Variants in PTPRN2 observed in about 807,000 individuals in gnomAD.
PTPRN2 encodes the protein receptor-type tyrosine-protein phosphatase N2.
In PTPRN2, 74 loss-of-function variants were observed where a neutral mutation model predicts 118.8. The observed-to-expected ratio is 0.62, with a 90% CI of 0.52 to 0.76. The LOEUF (loss-of-function observed/expected upper bound fraction) is 0.76. PTPRN2 is among the 30% of genes least tolerant of loss of function. PTPRN2 has a pLI of 0.00. For synonymous variants in PTPRN2, 641 were observed against 608.0 expected, an observed-to-expected ratio of 1.05 and a Z score of -0.80; for missense variants, 1,481 against 1,394.4, an observed-to-expected ratio of 1.06 and a Z score of -0.99.
At chr7:158,521,452 G>T (rs1823992429) in intron 1 of PTPRN2, among the ~76,000 whole-genome samples, 2 of 152,246 alleles carry the variant, frequency 1.3e-5, no homozygotes, top group African/African-American at 4.8e-5. Flanking sequence ...TTAGTAATCA[G>T]CAAGATGCTG....
chr7:157,589,621 G>C (rs962646967), intron 17 of PTPRN2, among the ~76,000 whole-genome samples: 1 of 152,146 alleles, frequency 6.6e-6, no homozygotes, highest in Non-Finnish European at 1.5e-5. Context: ...GGGTGTCAAC[G>C]GATGGGTATG....
chr7:158,322,811 C>T, intron 2 of PTPRN2, among the ~76,000 whole-genome samples: 1 of 152,374 alleles, frequency 6.6e-6, no homozygotes, highest in African/African-American at 2.4e-5. Context: ...GCAGGGCAGG[C>T]TCTTGAATGG....
At chr7:157,727,825 G>C (rs1212372302) in intron 12 of PTPRN2, among the ~76,000 whole-genome samples, 1 of 152,204 alleles carries the variant, frequency 6.6e-6, no homozygotes, top group Non-Finnish European at 1.5e-5. Context: ...TCTGCTGCTG[G>C]CCCTGCCTGA....
rs556252891 is a variant in PTPRN2, at chr7:157,788,736, C to A, written c.1789-105799G>T. Among the ~76,000 whole-genome samples, 6 of 152,264 alleles carry A rather than the reference C, an allele frequency of 3.9e-5. No individual in the cohort carries two copies. The South Asian group carries it at 1.2e-3, about 32-fold the overall frequency. The stretch of plus-strand genomic sequence containing the variant: ...ATGCAGGAGGCCTCCGGGGCCACCC[C>A]ACTGCCACGCGGGAGGCCTCGGGGG... On this transcript the variant is annotated intron_variant, in intron 12 of 22. Coordinates refer to ENST00000389418, the MANE Select transcript of PTPRN2 (RefSeq NM_002847.5).
chr7:157,901,437 C>T (rs1797434003), intron 11 of PTPRN2, among the ~76,000 whole-genome samples: 1 of 152,162 alleles, frequency 6.6e-6, no homozygotes, highest in South Asian at 2.1e-4. Flanking sequence ...GAGTTCCCAC[C>T]ATGCAGACGT....
At chr7:157,574,233 T>A in intron 19 of PTPRN2, 3 of 359,372 alleles carry the variant, frequency 8.3e-6, no homozygotes, top group South Asian at 7.7e-5. Flanking sequence ...AACCCAGGGG[T>A]CACCGGGCGA....
intron 11 of PTPRN2, among the ~76,000 whole-genome samples, chr7:157,993,171 T>TGGGC: frequency 6.6e-6 from 1 of 152,338 alleles, no homozygotes; most frequent in East Asian, 1.9e-4. Context: ...CAACATATTA[T>TGGGC]GGGCGGCTCA....
chr7:158,274,357 CAG>C (rs1491342570), intron 3 of PTPRN2, among the ~76,000 whole-genome samples: 11 of 55,644 alleles, frequency 2.0e-4, no homozygotes, highest in East Asian at 6.3e-4. Flanking sequence ...GCCACAGACA[CAG>C]GGGGAGCCGC....
intron 11 of PTPRN2, among the ~76,000 whole-genome samples, chr7:157,918,387 A>G (rs200107923): frequency 1.3e-5 from 2 of 152,386 alleles, no homozygotes; most frequent in Non-Finnish European, 1.5e-5. Flanking sequence ...CCACATGGCA[A>G]CAGGTAAACC....
intron 1 of PTPRN2, among the ~76,000 whole-genome samples, chr7:158,550,787 T>C (rs891327682): frequency 3.3e-5 from 5 of 152,232 alleles, no homozygotes; most frequent in African/African-American, 1.2e-4. Flanking sequence ...AATTACCTCG[T>C]CTTTAAGTGC....
intron 12 of PTPRN2, among the ~76,000 whole-genome samples, chr7:157,746,057 T>C (rs1193876784): frequency 1.4e-5 from 2 of 140,620 alleles, no homozygotes; most frequent in Non-Finnish European, 3.1e-5. Flanking sequence ...AGTGTGGAGA[T>C]CACAGGACTC....
chr7:157,800,935 G>C (rs1805240230), intron 12 of PTPRN2, among the ~76,000 whole-genome samples: 2 of 151,510 alleles, frequency 1.3e-5, no homozygotes, highest in East Asian at 3.9e-4. Context: ...CTGGGCAACA[G>C]AGAGAGACTC....
chr7:157,791,372 CAT>C (rs1804479113), intron 12 of PTPRN2, among the ~76,000 whole-genome samples: 1 of 152,260 alleles, frequency 6.6e-6, no homozygotes, highest in African/African-American at 2.4e-5. Flanking sequence ...CCCGCGTCCA[CAT>C]ATTCTCGTGC....
chr7:157,769,207 C>G (rs879441644), intron 12 of PTPRN2, among the ~76,000 whole-genome samples: 1 of 152,106 alleles, frequency 6.6e-6, no homozygotes, highest in East Asian at 1.9e-4. Context: ...ACGCTTTGCC[C>G]GTGCCAAGCA....
chr7:157,619,010 C>T lies in PTPRN2; in HGVS notation c.2344+2352G>A, dbSNP rs1802981223. Among the ~76,000 whole-genome samples, 1 of 152,128 alleles carries T rather than the reference C, an allele frequency of 6.6e-6. No individual in the cohort carries two copies. The highest frequency in any genetic ancestry group is 6.6e-5 in the Admixed American group (1 of 15,266). ...AGGGCTGTCCTGATCCCCATGAGAA[C>T]ATCAGGCGCCCATCCACATGTGGCC... is the stretch of plus-strand genomic sequence containing the variant. On this transcript the variant is annotated intron_variant, in intron 15 of 22. Coordinates refer to ENST00000389418, the MANE Select transcript of PTPRN2 (RefSeq NM_002847.5). The surrounding 1 kb of genome is among the most constrained non-coding windows in gnomAD (Gnocchi z 5.3).
At chr7:158,418,585 C>T (rs1814977676) in intron 2 of PTPRN2, among the ~76,000 whole-genome samples, 1 of 144,558 alleles carries the variant, frequency 6.9e-6, no homozygotes, top group Non-Finnish European at 1.5e-5. Context: ...CGGTGTACTA[C>T]ATCGAGATGC....
chr7:158,496,391 G>A (rs1240139131), intron 1 of PTPRN2, among the ~76,000 whole-genome samples: 1 of 25,584 alleles, frequency 3.9e-5, no homozygotes, highest in Non-Finnish European at 7.0e-5. Flanking sequence ...CCTTCCCTGC[G>A]CCCCCCTTCT....
intron 2 of PTPRN2, among the ~76,000 whole-genome samples, chr7:158,362,324 G>A (rs937491919): frequency 1.1e-4 from 16 of 152,314 alleles, no homozygotes; most frequent in Middle Eastern, 3.4e-3. Flanking sequence ...CCCTGTGCCC[G>A]GCACTTTCCT....
chr7:158,447,639 G>A (rs1040941200), intron 2 of PTPRN2, among the ~76,000 whole-genome samples: 6 of 152,334 alleles, frequency 3.9e-5, no homozygotes, highest in South Asian at 2.1e-4. Context: ...ACGGGTACCC[G>A]GCCTGCCTTG....
Sources: allele counts gnomAD v4.1 joint callset (sites outside exome capture counted in the v4.1 genomes callset), GRCh38; gene constraint gnomAD v4.1.1; non-coding constraint Gnocchi (gnomAD v3.1); transcripts MANE v1.5; gene names NCBI Gene and HGNC (gene_info 2026-07-23, HGNC 2026-07-21).